RAD23B: variants seen among roughly 807,000 people sequenced by gnomAD.
RAD23B encodes RAD23 nucleotide excision repair protein B.
In RAD23B, 5 loss-of-function variants were observed where a neutral mutation model predicts 49.1. That is an observed-to-expected ratio of 0.10 (90% CI 0.05 to 0.21). The LOEUF is 0.21. RAD23B is among the 10% of genes least tolerant of loss of function. The probability of loss-of-function intolerance (pLI) is 1.00; values close to 1 mark genes in which losing one functional copy is unlikely to be tolerated. For synonymous variants in RAD23B, 184 were observed against 165.4 expected, an observed-to-expected ratio of 1.11 and a Z score of -0.86; for missense variants, 356 against 486.7, an observed-to-expected ratio of 0.73 and a Z score of 2.53.
At position 107,300,220 on chromosome 9, in the gene RAD23B, C is replaced by T; in HGVS notation, c.146C>T (p.Ala49Val). The change falls in exon 2 of 10, where the codon GCA (alanine) becomes GTA (valine). Residue 49 changes from alanine to valine, a missense_variant and splice_region_variant. Transcript: ENST00000358015. ...GTAGCAGGTCAAAAATTAATTTATG[C>T]AGGTATGAATTAAATATTAAAATTA... ...FPVAGQKLIYAGKILNDDTAL... is the reference protein window; with the variant it reads ...FPVAGQKLIYVGKILNDDTAL... 6.2e-7 allele frequency: 1 copy of T among 1,604,990 alleles called. No individual in the cohort carries two copies. The highest frequency in any genetic ancestry group is 8.5e-7 in the Non-Finnish European group (1 of 1,176,034).
chr9:107,305,138 T>A (rs1221471932), intron 3 of RAD23B, among the ~76,000 whole-genome samples: 1 of 149,788 alleles, frequency 6.7e-6, no homozygotes, highest in African/African-American at 2.4e-5. Context: ...AAAAAAAAAA[T>A]ACAAAAATTT....
At chr9:107,306,306 C>T (rs1269125502) in intron 3 of RAD23B, 73 bp from the exon 4 acceptor site, 33 of 1,435,018 alleles carry the variant, frequency 2.3e-5, no homozygotes, top group Non-Finnish European at 2.9e-5. Context: ...CATCCTGTAA[C>T]GGTACAGTCT....
At position 107,318,957 on chromosome 9, in the gene RAD23B, T is replaced by C. The variant is rs1827052097; in HGVS notation, c.681+78T>C. ...AAAGAAACAGATTTTAAAGGACCAG[T>C]TCACTTGTCACTGATATATGCTAGA... On this transcript the variant is annotated intron_variant, in intron 6 of 9. Transcript: ENST00000358015. This position sits in a 1 kb window ranked among gnomAD's most constrained non-coding sequence, Gnocchi z 4.3. 7.0e-7 allele frequency: 1 copy of C among 1,430,916 alleles called. No homozygotes were observed. The highest frequency in any genetic ancestry group is 2.4e-5 in the East Asian group (1 of 42,450). The allele number at this position is 1,430,916 out of a possible 1,614,324, so 88.6% of individuals were successfully genotyped here. A position where few individuals can be genotyped will look rare whatever the true frequency, so the allele number is the denominator to read the frequency against.
intron 1 of RAD23B, chr9:107,283,948 G>T: frequency 9.0e-7 from 1 of 1,113,974 alleles, no homozygotes; most frequent in Non-Finnish European, 1.1e-6. Flanking sequence ...TGGAGCGCAC[G>T]CCCGCGGGCC....
intron 1 of RAD23B, among the ~76,000 whole-genome samples, chr9:107,299,048 T>C (rs1826595805): frequency 1.3e-5 from 2 of 152,198 alleles, no homozygotes; most frequent in East Asian, 3.9e-4. Flanking sequence ...TGGTAACCTC[T>C]TTATTTCCGT....
In RAD23B at chr9:107,302,010, A is replaced by AT. The variant is rs56278141; in HGVS notation, c.149-16dup. The AT allele has an allele frequency of 1.4e-3, 2,259 of 1,591,552 alleles. 19 individuals are homozygous for AT. The African/African-American group carries it at 0.023, about 16-fold the overall frequency. ...TAAGAGAAAGATTATGCCTTAAATG[A>AT]TTTTTTTTTCTCTTAATGTATTAGG... On this transcript the variant is annotated intron_variant, in intron 2 of 9. Transcript: ENST00000358015.
chr9:107,328,034 C>CT (rs1827242626), intron 9 of RAD23B, among the ~76,000 whole-genome samples: 2 of 151,970 alleles, frequency 1.3e-5, no homozygotes, highest in Non-Finnish European at 2.9e-5. Flanking sequence ...TAGTATATAC[C>CT]TTTTTCTATC....
At chr9:107,305,587 C>G (rs1826746206) in intron 3 of RAD23B, among the ~76,000 whole-genome samples, 3 of 152,078 alleles carry the variant, frequency 2.0e-5, no homozygotes, top group Admixed American at 2.0e-4. Flanking sequence ...CTGTGGGAAG[C>G]TTTATGGCTC....
chr9:107,306,085 A>ATATATGTATATATATATATACGCTC (rs1554741862), intron 3 of RAD23B, among the ~76,000 whole-genome samples: 1 of 122,928 alleles, frequency 8.1e-6, no homozygotes, highest in Non-Finnish European at 1.7e-5. Context: ...ATATATCTAT[A>ATATATGTATATATATATATACGCTC]TATATTTCAA....
At chr9:107,329,027 A>C (rs764814874) in intron 9 of RAD23B, among the ~76,000 whole-genome samples, 15 of 152,224 alleles carry the variant, frequency 9.9e-5, no homozygotes, top group Non-Finnish European at 2.2e-4. Flanking sequence ...TGAATAAAGC[A>C]AGGAGATTGA....
intron 5 of RAD23B, among the ~76,000 whole-genome samples, chr9:107,314,996 G>GT (rs1282215891): frequency 1.3e-5 from 2 of 152,010 alleles, no homozygotes; most frequent in Non-Finnish European, 2.9e-5. Flanking sequence ...GGGGTTATTT[G>GT]TTTTTTTCTT....
At chr9:107,305,407 TGAGAAA>T (rs1459526036) in intron 3 of RAD23B, among the ~76,000 whole-genome samples, 3 of 152,170 alleles carry the variant, frequency 2.0e-5, no homozygotes, top group Non-Finnish European at 4.4e-5. Context: ...CTGAATAGGC[TGAGAAA>T]GAGAAAGGGT....
intron 4 of RAD23B, among the ~76,000 whole-genome samples, chr9:107,308,688 T>C (rs1287515959): frequency 1.3e-5 from 2 of 152,222 alleles, no homozygotes; most frequent in East Asian, 3.8e-4. Flanking sequence ...TAGTTGGACT[T>C]TGTACACCAA....
rs371076791 is a variant in RAD23B at position 107,314,639 on chromosome 9, C to T, written c.553+2902C>T. ...TAATGTTGTGATTAACATACAAGTG[C>T]AGGTATCTTTTTGATATAATGATTT... is the stretch of plus-strand genomic sequence containing the variant. On this transcript the variant is annotated intron_variant, in intron 5 of 9. Transcript: ENST00000358015. Among the ~76,000 whole-genome samples the T allele has an allele frequency of 3.0e-4, 46 of 152,244 alleles. 2 individuals are homozygous for T. Among genetic ancestry groups the T allele is most frequent in the African/African-American group, 1.1e-3 (46 of 41,556 alleles).
chr9:107,325,063 C>A, intron 9 of RAD23B, 59 bp downstream of exon 9: 1 of 1,521,336 alleles, frequency 6.6e-7, no homozygotes, highest in Non-Finnish European at 9.0e-7. Flanking sequence ...GCCTGTAATT[C>A]CAGCACTTTG....
intron 5 of RAD23B, among the ~76,000 whole-genome samples, chr9:107,314,216 T>C (rs1826946418): frequency 6.6e-6 from 1 of 152,202 alleles, no homozygotes; most frequent in Admixed American, 6.5e-5. Flanking sequence ...TTAAAATTTG[T>C]ATATAGGGAG....
chr9:107,287,843 A>C (rs1021441468), intron 1 of RAD23B, among the ~76,000 whole-genome samples: 6 of 151,666 alleles, frequency 4.0e-5, no homozygotes, highest in South Asian at 2.1e-4. Flanking sequence ...TCAAAAAAAA[A>C]AAAAAAACAA....
chr9:107,283,589 C>T lies in RAD23B; in HGVS notation c.-41C>T. Reference sequence around the variant, plus strand: ...GCCACAGACCCCGCCCAGCGGCCAGCACCCGGCGCAGGCCCGGCAGCCGAG... The same window carrying T: ...GCCACAGACCCCGCCCAGCGGCCAGTACCCGGCGCAGGCCCGGCAGCCGAG... On this transcript the variant is annotated 5_prime_UTR_variant, in exon 1 of 10. Coordinates refer to ENST00000358015, the MANE Select transcript of RAD23B (RefSeq NM_002874.5). 6.9e-7 allele frequency: 1 copy of T among 1,457,064 alleles called. No individual in the cohort carries two copies. Among genetic ancestry groups the T allele is most frequent in the Non-Finnish European group, 9.1e-7 (1 of 1,098,480 alleles). 90.3% of individuals were successfully genotyped at this position (1,457,064 alleles called of 1,614,324 possible).
In RAD23B at chr9:107,300,228, A is replaced by C; in HGVS notation, c.148+6A>C. The C allele has an allele frequency of 6.3e-7, 1 of 1,596,572 alleles. No homozygotes were observed. Among genetic ancestry groups the C allele is most frequent in the Non-Finnish European group, 8.5e-7 (1 of 1,172,862 alleles). The stretch of plus-strand genomic sequence containing the variant: ...TCAAAAATTAATTTATGCAGGTATG[A>C]ATTAAATATTAAAATTAACATGCCA... On this transcript the variant is annotated splice_donor_region_variant and intron_variant, in intron 2 of 9. Transcript: ENST00000358015.
Sources: gnomAD v4.1 joint callset for allele counts (sites outside exome capture counted in the v4.1 genomes callset) on GRCh38, gnomAD v4.1.1 for gene constraint, Gnocchi (gnomAD v3.1) non-coding constraint, MANE v1.5 for transcripts, NCBI Gene and HGNC (gene_info 2026-07-23, HGNC 2026-07-21) for gene names.